Variants in TAF2 observed in about 807,000 individuals in gnomAD.
The protein encoded by TAF2 is transcription initiation factor TFIID subunit 2.
Under a neutral mutation model 138.5 loss-of-function variants are expected in TAF2, and 61 were observed. The observed-to-expected ratio is 0.44, with a 90% CI of 0.36 to 0.54. TAF2 has a LOEUF of 0.54. Ranked by LOEUF, TAF2 falls within the 20% of genes least tolerant of loss-of-function variation. The probability of loss-of-function intolerance (pLI) is 0.00; values close to 1 mark genes in which losing one functional copy is unlikely to be tolerated. For missense variants in TAF2, 1,090 were observed against 1,427.9 expected (o/e 0.76, Z 3.81); for synonymous variants, 475 against 469.9 (o/e 1.01, Z -0.14).
intron 24 of TAF2, among the ~76,000 whole-genome samples, chr8:119,743,556 C>T (rs947793686): frequency 1.3e-5 from 2 of 151,936 alleles, no homozygotes; most frequent in Non-Finnish European, 2.9e-5. Context: ...GCTTTTATTC[C>T]TTAAAAATTA....
At chr8:119,744,246 A>C in intron 24 of TAF2, 42 bp downstream of exon 24, 1 of 1,525,442 alleles carries the variant, frequency 6.6e-7, no homozygotes, top group Non-Finnish European at 9.1e-7. Context: ...GACATCAACC[A>C]ATGTCTCCAT....
chr8:119,825,873 T>A (rs1826065326), intron 2 of TAF2, among the ~76,000 whole-genome samples: 1 of 151,604 alleles, frequency 6.6e-6, no homozygotes, highest in Non-Finnish European at 1.5e-5. Context: ...TTTGTATTTT[T>A]AGTAGAGACA....
At chr8:119,786,062 T>A (rs138105768) in intron 14 of TAF2, among the ~76,000 whole-genome samples, 12 of 152,308 alleles carry the variant, frequency 7.9e-5, no homozygotes, top group African/African-American at 2.9e-4. Context: ...TCTATCTGAG[T>A]GAACTAAACA....
intron 15 of TAF2, among the ~76,000 whole-genome samples, chr8:119,784,325 C>T (rs1189794010): frequency 4.6e-5 from 7 of 152,080 alleles, no homozygotes; most frequent in African/African-American, 2.4e-5. Flanking sequence ...GAGGTTGAGG[C>T]GGGTGGATCA....
chr8:119,735,631 A>T (rs1819174391), intron 25 of TAF2, among the ~76,000 whole-genome samples: 1 of 152,234 alleles, frequency 6.6e-6, no homozygotes, highest in African/African-American at 2.4e-5. Context: ...ATACTCAAGT[A>T]AAAGCTAAAC....
chr8:119,733,381 T>A (rs775424537), intron 25 of TAF2, among the ~76,000 whole-genome samples: 1 of 152,112 alleles, frequency 6.6e-6, no homozygotes, highest in East Asian at 1.9e-4. Flanking sequence ...GAGAGTAGTG[T>A]CAGTACAAAG....
intron 4 of TAF2, 51 bp downstream of exon 4, chr8:119,806,232 C>T (rs1311256965): frequency 3.4e-6 from 5 of 1,461,810 alleles, no homozygotes; most frequent in Non-Finnish European, 4.8e-6. Flanking sequence ...TCTCTAGTGT[C>T]TGAATCTAAC....
chr8:119,796,621 T>C (rs1396426285), intron 8 of TAF2, among the ~76,000 whole-genome samples: 2 of 152,122 alleles, frequency 1.3e-5, no homozygotes, highest in African/African-American at 2.4e-5. Context: ...CTTTTATTTA[T>C]AGAATTCATT....
Position 119,744,346 on chromosome 8 carries a change from A to G in TAF2, c.3156T>C (p.His1052=), listed in dbSNP as rs755211767. Residue 1052 remains histidine, a synonymous_variant, in exon 24 of 26, where the codon CAT becomes CAC. Transcript: ENST00000378164. ...DEEEIDMDTV[H]DSQAFISHHL... Reference sequence around the variant, plus strand: ...GATGGGAAATGAAGGCCTGGCTATCATGAACAGTATCCATATCAATCTCCT... The same window carrying G: ...GATGGGAAATGAAGGCCTGGCTATCGTGAACAGTATCCATATCAATCTCCT... 6.2e-7 allele frequency: 1 copy of G among 1,613,834 alleles called. No individual in the cohort carries two copies. The highest frequency in any genetic ancestry group is 8.5e-7 in the Non-Finnish European group (1 of 1,179,906).
At chr8:119,767,389 C>T (rs1216435940) in intron 18 of TAF2, among the ~76,000 whole-genome samples, 1 of 152,168 alleles carries the variant, frequency 6.6e-6, no homozygotes, top group Non-Finnish European at 1.5e-5. Flanking sequence ...TGAACCAGGG[C>T]AAGTGTGGAG....
chr8:119,773,295 G>A (rs1174776714), intron 18 of TAF2, among the ~76,000 whole-genome samples: 1 of 151,270 alleles, frequency 6.6e-6, no homozygotes, highest in African/African-American at 2.4e-5. Context: ...AAAATACAAA[G>A]AAGTCTTAAG....
chr8:119,812,941 C>T (rs942224060), intron 3 of TAF2, among the ~76,000 whole-genome samples: 2 of 152,110 alleles, frequency 1.3e-5, no homozygotes, highest in Admixed American at 6.6e-5. Context: ...GACATAGGGA[C>T]TTATTTTCCT....
intron 3 of TAF2, among the ~76,000 whole-genome samples, chr8:119,811,852 G>C (rs1157414972): frequency 6.6e-6 from 1 of 151,082 alleles, no homozygotes; most frequent in African/African-American, 2.4e-5. Context: ...ATTTAACCTG[G>C]AACCATGACA....
chr8:119,832,114 G>A (rs927675379), intron 1 of TAF2, among the ~76,000 whole-genome samples: 4 of 151,978 alleles, frequency 2.6e-5, no homozygotes, highest in African/African-American at 9.7e-5. Context: ...AGCCGAGATC[G>A]CGCCGTTGCA....
At chr8:119,826,451 C>A (rs1297157641) in intron 2 of TAF2, among the ~76,000 whole-genome samples, 1 of 152,142 alleles carries the variant, frequency 6.6e-6, no homozygotes, top group East Asian at 1.9e-4. Context: ...GTAAATTGCC[C>A]AGTTTCAGGT....
At chr8:119,824,829 C>T (rs542399004) in intron 2 of TAF2, among the ~76,000 whole-genome samples, 88 of 152,358 alleles carry the variant, frequency 5.8e-4, no homozygotes, top group Non-Finnish European at 1.1e-3. Context: ...GGTTTGGGAA[C>T]CTCCACCTAG....
chr8:119,824,649 C>T (rs375811328), intron 2 of TAF2, among the ~76,000 whole-genome samples: 341 of 152,302 alleles, frequency 2.2e-3, no homozygotes, highest in African/African-American at 7.9e-3. Flanking sequence ...CCCAGGGTCC[C>T]TACGCTGTGT....
At position 119,819,408 on chromosome 8, in the gene TAF2, A is replaced by G; in HGVS notation, c.237T>C (p.Asp79=). 2 of 1,613,030 alleles carry G rather than the reference A, an allele frequency of 1.2e-6. No individual in the cohort carries two copies. Among genetic ancestry groups the G allele is most frequent in the South Asian group, 2.2e-5 (2 of 91,066 alleles). The change falls in exon 3 of 26, where the codon GAT becomes GAC. Residue 79 remains aspartate (D), a synonymous_variant. Coordinates refer to ENST00000378164, the MANE Select transcript of TAF2 (RefSeq NM_003184.4). ...CATTATAAATAAAAGCAGCCTCTAA[A>G]TCATTGATCCTTACTCGGTATATTC... ...QCRIYRVRIN[D]LEAAFIYNDP...
intron 25 of TAF2, among the ~76,000 whole-genome samples, chr8:119,735,289 C>T (rs959701809): frequency 3.3e-5 from 5 of 152,126 alleles, no homozygotes; most frequent in Non-Finnish European, 7.3e-5. Flanking sequence ...CCCTACCCCG[C>T]CCCCTCTAAC....
Sources: gnomAD v4.1 joint callset for allele counts (sites outside exome capture counted in the v4.1 genomes callset) on GRCh38, gnomAD v4.1.1 for gene constraint, MANE v1.5 for transcripts, NCBI Gene and HGNC (gene_info 2026-07-23, HGNC 2026-07-21) for gene names.